The following STARD9 variants were observed in gnomAD, a reference collection of about 807,000 sequenced individuals.
STARD9 encodes stAR-related lipid transfer protein 9.
In STARD9, 346 loss-of-function variants were observed where a neutral mutation model predicts 399.8. The ratio of observed to expected loss-of-function variants is 0.87; its 90% CI spans 0.79 to 0.95. The LOEUF (loss-of-function observed/expected upper bound fraction) is 0.95. Ranked by LOEUF, STARD9 falls within the 40% of genes least tolerant of loss-of-function variation. STARD9 has a pLI of 0.00. For synonymous variants in STARD9, 2,203 were observed against 2,143.5 expected (o/e 1.03, Z -0.77); for missense variants, 5,832 against 5,667.5 (o/e 1.03, Z -0.93).
chr15:42,632,740 G>A (rs1269102996), intron 3 of STARD9, among the ~76,000 whole-genome samples: 1 of 152,156 alleles, frequency 6.6e-6, no homozygotes, highest in East Asian at 1.9e-4. Context: ...TACTCAAGAG[G>A]CCGAGGCGAG....
chr15:42,627,313 T>C (rs2059245739), intron 3 of STARD9, among the ~76,000 whole-genome samples: 1 of 152,034 alleles, frequency 6.6e-6, no homozygotes, highest in Non-Finnish European at 1.5e-5. Flanking sequence ...GAAAAAAAAT[T>C]ATGGGTACAT....
intron 7 of STARD9, among the ~76,000 whole-genome samples, chr15:42,649,906 GC>G (rs1203363537): frequency 8.6e-6 from 1 of 116,044 alleles, no homozygotes; most frequent in African/African-American, 3.4e-5. Flanking sequence ...CGCTCTTGTT[GC>G]CGAGGCTGGA....
At chr15:42,631,442 T>G (rs2059329709) in intron 3 of STARD9, among the ~76,000 whole-genome samples, 1 of 151,768 alleles carries the variant, frequency 6.6e-6, no homozygotes, top group South Asian at 2.1e-4. Flanking sequence ...AAACCAGGCG[T>G]GGTGGTGTGC....
rs557439861 is a variant in STARD9, at chr15:42,633,934, G to A, written c.235-922G>A. Among the ~76,000 whole-genome samples the A allele has an allele frequency of 3.3e-4, 50 of 152,070 alleles. 1 individual carries two copies. Among genetic ancestry groups the A allele is most frequent in the Non-Finnish European group, 5.3e-4 (36 of 67,978 alleles). On this transcript the variant is annotated intron_variant, in intron 3 of 32. Transcript: ENST00000290607. ...GTTGGAATTACAGGCCTGAGCCACC[G>A]CGCCTGGCCCTGTCTGGCCTCATTT...
intron 21 of STARD9, among the ~76,000 whole-genome samples, chr15:42,681,859 C>T (rs1410825146): frequency 6.6e-6 from 1 of 152,122 alleles, no homozygotes; most frequent in Non-Finnish European, 1.5e-5. Flanking sequence ...CTCATTTGGT[C>T]ATGTATCCAT....
chr15:42,663,238 C>A, intron 11 of STARD9, 43 bp from the exon 12 acceptor site: 1 of 1,491,936 alleles, frequency 6.7e-7, no homozygotes, highest in African/African-American at 1.4e-5. Context: ...ATATTTGCTT[C>A]ATAATTCCTT....
chr15:42,620,308 A>G (rs1048232438), intron 3 of STARD9, among the ~76,000 whole-genome samples: 15 of 150,770 alleles, frequency 9.9e-5, no homozygotes, highest in South Asian at 4.2e-4. Flanking sequence ...TTCCGAGACT[A>G]TGTCTCTACA....
At chr15:42,581,784 A>G (rs1332642695) in intron 1 of STARD9, among the ~76,000 whole-genome samples, 1 of 152,220 alleles carries the variant, frequency 6.6e-6, no homozygotes, top group Non-Finnish European at 1.5e-5. Context: ...GTTTTTATGA[A>G]CATTTGATAA....
chr15:42,689,238 G>T lies in STARD9; in HGVS notation c.7660G>T (p.Glu2554Ter), dbSNP rs1289367412. 1 of 1,537,282 alleles carries T rather than the reference G, an allele frequency of 6.5e-7. No individual in the cohort carries two copies. The highest frequency in any genetic ancestry group is 2.0e-5 in the Admixed American group (1 of 51,008). The change falls in exon 23 of 33, where the codon GAG (glutamate) becomes TAG (stop). Residue 2554 changes from glutamate (E) to a stop codon, truncating the protein, a stop_gained. Coordinates refer to ENST00000290607, the MANE Select transcript of STARD9 (RefSeq NM_020759.3). LOFTEE classifies it high-confidence loss of function. ...ATCCATGTGCCTGGCCATCTTGGAG[G>T]AGATCAGACAGGCAAAGGCCCAGAG... ...HASMCLAILEEIRQAKAQRKQ... is the reference protein window; with the variant it reads ...HASMCLAILE
In STARD9 at chr15:42,575,837, C is replaced by T; in HGVS notation, c.47+75C>T. On this transcript the variant is annotated intron_variant, in intron 1 of 32. Coordinates refer to ENST00000290607, the MANE Select transcript of STARD9 (RefSeq NM_020759.3). ...AGCGGGAGGTCCGCGTCTCCCCCTG[C>T]AGAGATTCTGGCGCGCAGAAATCGG... 2.8e-6 allele frequency: 4 copies of T among 1,446,730 alleles called. No individual in the cohort carries two copies. In the South Asian group the frequency reaches 4.9e-5, roughly 18 times the overall value. 89.6% of individuals were successfully genotyped at this position (1,446,730 alleles called of 1,614,324 possible). A position where few individuals can be genotyped will look rare whatever the true frequency, so the allele number is the denominator to read the frequency against.
In STARD9 at chr15:42,669,296, G is replaced by T. The variant is rs1363096473; in HGVS notation, c.1456G>T (p.Asp486Tyr). The T allele has an allele frequency of 5.2e-6, 8 of 1,536,490 alleles. No homozygotes were observed. In the African/African-American group the frequency reaches 9.6e-5, roughly 18 times the overall value. ...CCTGCCACACTTGATGGCCTTGGAGGATGATGTGCTCAGCACAGGTGTTGT... is the reference window on the plus strand; with the variant it reads ...CCTGCCACACTTGATGGCCTTGGAGTATGATGTGCTCAGCACAGGTGTTGT... The part of the protein sequence containing the change: ...SSLPHLMALE[D>Y]DVLSTGVVLY... Residue 486 changes from aspartate to tyrosine, a missense_variant, in exon 16 of 33, where the codon GAT becomes TAT. By Grantham distance (160) the Asp-to-Tyr change is radical. This residue lies in a region of STARD9 where 5,828 missense variants were observed against 5,651.1 expected (regional missense o/e 1.03). Transcript: ENST00000290607.
At chr15:42,657,392 C>T (rs892797318) in intron 9 of STARD9, among the ~76,000 whole-genome samples, 5 of 149,122 alleles carry the variant, frequency 3.4e-5, no homozygotes, top group African/African-American at 5.0e-5. Flanking sequence ...AAGACAAATA[C>T]TAGAGACAGG....
chr15:42,694,852 A>C, intron 24 of STARD9, 127 bp downstream of exon 24: 1 of 508,286 alleles, frequency 2.0e-6, no homozygotes, highest in Non-Finnish European at 3.5e-6. Context: ...GAAAGAGGAC[A>C]TAGAAGGGAA....
intron 16 of STARD9, 85 bp from the exon 17 acceptor site, chr15:42,674,355 T>G: frequency 1.0e-4 from 112 of 1,071,632 alleles, no homozygotes; most frequent in Middle Eastern, 2.0e-4. Context: ...GGGAAGACAG[T>G]GAGAATATTC....
At chr15:42,712,097 A>AAT (rs1555411009) in intron 26 of STARD9, among the ~76,000 whole-genome samples, 7 of 204 alleles carry the variant, frequency 0.034, no homozygotes, top group East Asian at 0.083. Flanking sequence ...ATATATATAT[A>AAT]ATATATAATA....
chr15:42,598,172 C>T (rs1005686425), intron 3 of STARD9, among the ~76,000 whole-genome samples: 18 of 151,914 alleles, frequency 1.2e-4, no homozygotes, highest in African/African-American at 4.4e-4. Context: ...GCTGGGACTA[C>T]AGGCGCCTGC....
intron 9 of STARD9, among the ~76,000 whole-genome samples, chr15:42,658,026 C>T (rs2059909491): frequency 6.6e-6 from 1 of 152,204 alleles, no homozygotes; most frequent in Non-Finnish European, 1.5e-5. Flanking sequence ...TAGAACATAA[C>T]TTAGGAGAAC....
At chr15:42,585,241 A>C (rs1454678173) in intron 2 of STARD9, among the ~76,000 whole-genome samples, 2 of 152,242 alleles carry the variant, frequency 1.3e-5, no homozygotes, top group African/African-American at 4.8e-5. Flanking sequence ...AGATGCCCAG[A>C]GCGGGAGAGG....
intron 3 of STARD9, among the ~76,000 whole-genome samples, chr15:42,597,782 C>T (rs1595603716): frequency 6.6e-6 from 1 of 151,964 alleles, no homozygotes; most frequent in East Asian, 1.9e-4. Context: ...GGTGATCTGC[C>T]CGACTTAGCC....
Sources: allele counts gnomAD v4.1 joint callset (sites outside exome capture counted in the v4.1 genomes callset), GRCh38; gene constraint gnomAD v4.1.1; regional missense constraint gnomAD v4.1.1; transcripts MANE v1.5; gene names NCBI Gene and HGNC (gene_info 2026-07-23, HGNC 2026-07-21).